Variants in RO60 observed in about 807,000 individuals in gnomAD.
RO60 encodes the protein RNA-binding protein RO60.
RO60 carries 20 observed loss-of-function variants against 55.3 expected under a neutral mutation model. The ratio of observed to expected loss-of-function variants is 0.36; its 90% CI spans 0.25 to 0.53. RO60 has a LOEUF of 0.53. Ranked by LOEUF, RO60 falls within the 20% of genes least tolerant of loss-of-function variation. The pLI is 0.92. For missense variants in RO60, 558 were observed against 646.6 expected (o/e 0.86, Z 1.49); for synonymous variants, 213 against 213.6 (o/e 1.00, Z 0.02).
Position 193,085,864 on chromosome 1 carries a change from A to C in RO60, c.*1133A>C. The C allele has an allele frequency of 1.0e-6, 1 of 985,314 alleles. No homozygotes were observed. The highest frequency in any genetic ancestry group is 1.2e-6 in the Non-Finnish European group (1 of 829,860). 61.0% of individuals were successfully genotyped at this position (985,314 alleles called of 1,614,324 possible). Reference sequence around the variant, plus strand: ...GCATATTACCAGCTAGCCAGTCACTAGGAATTTTTTTCAGTATTATTTGTA... The same window carrying C: ...GCATATTACCAGCTAGCCAGTCACTCGGAATTTTTTTCAGTATTATTTGTA... On this transcript the variant is annotated 3_prime_UTR_variant, in exon 9 of 9. Transcript: ENST00000400968.
intron 8 of RO60, among the ~76,000 whole-genome samples, 183 bp from the exon 9 acceptor site, chr1:193,084,396 C>T (rs907887948): frequency 2.0e-5 from 3 of 152,186 alleles, no homozygotes; most frequent in Admixed American, 2.0e-4. Flanking sequence ...GATTCTTATA[C>T]AATTTTATTG....
In RO60 at chr1:193,084,909, A is replaced by C. The variant is rs1674554032; in HGVS notation, c.*178A>C. On this transcript the variant is annotated 3_prime_UTR_variant, in exon 9 of 9. Coordinates refer to ENST00000400968, the MANE Select transcript of RO60 (RefSeq NM_001173524.2). The stretch of plus-strand genomic sequence containing the variant: ...AAAAATAAGATGGGCCCAAAGGTCT[A>C]TCTACTAAACTAGCTCTTGGGGAAA... The C allele has an allele frequency of 6.7e-7, 1 of 1,495,586 alleles. No homozygotes were observed. Among genetic ancestry groups the C allele is most frequent in the Admixed American group, 2.6e-5 (1 of 38,120 alleles). The allele number at this position is 1,495,586 out of a possible 1,614,324, so 92.6% of individuals were successfully genotyped here.
chr1:193,071,655 C>G (rs1431886674), intron 2 of RO60, among the ~76,000 whole-genome samples: 2 of 151,492 alleles, frequency 1.3e-5, no homozygotes, highest in African/African-American at 2.4e-5. Flanking sequence ...ATTTTTTAAT[C>G]TCTTTCAGTA....
At chr1:193,068,628 C>G (rs1214563186) in intron 1 of RO60, among the ~76,000 whole-genome samples, 1 of 152,196 alleles carries the variant, frequency 6.6e-6, no homozygotes, top group African/African-American at 2.4e-5. Flanking sequence ...ACTGATCTAC[C>G]TGCTTAATCT....
rs73054120 is a variant in RO60 at position 193,085,729 on chromosome 1, A to G, written c.*998A>G. 9,933 of 984,066 alleles carry G rather than the reference A, an allele frequency of 0.01. 710 individuals are homozygous for G. In the African/African-American group the frequency reaches 0.15, roughly 15 times the overall value. 61.0% of individuals were successfully genotyped at this position (984,066 alleles called of 1,614,324 possible). Reference sequence around the variant, plus strand: ...AATATTTTTAAAAGTATACATGTCAATGGCCTCTTTGTCCATTATTCATTT... The same window carrying G: ...AATATTTTTAAAAGTATACATGTCAGTGGCCTCTTTGTCCATTATTCATTT... On this transcript the variant is annotated 3_prime_UTR_variant, in exon 9 of 9. Coordinates refer to ENST00000400968, the MANE Select transcript of RO60 (RefSeq NM_001173524.2).
In RO60 at chr1:193,084,910, T is replaced by C. The variant is rs914436246; in HGVS notation, c.*179T>C. The C allele has an allele frequency of 6.7e-7, 1 of 1,495,852 alleles. No individual in the cohort carries two copies. Among genetic ancestry groups the C allele is most frequent in the Non-Finnish European group, 8.9e-7 (1 of 1,128,996 alleles). 92.7% of individuals were successfully genotyped at this position (1,495,852 alleles called of 1,614,324 possible). ...AAAATAAGATGGGCCCAAAGGTCTA[T>C]CTACTAAACTAGCTCTTGGGGAAAT... is the stretch of plus-strand genomic sequence containing the variant. On this transcript the variant is annotated 3_prime_UTR_variant, in exon 9 of 9. Coordinates refer to ENST00000400968, the MANE Select transcript of RO60 (RefSeq NM_001173524.2).
At chr1:193,081,889 T>A (rs903788419) in intron 6 of RO60, among the ~76,000 whole-genome samples, 6 of 152,176 alleles carry the variant, frequency 3.9e-5, no homozygotes, top group African/African-American at 1.4e-4. Flanking sequence ...TGTCAGTGAA[T>A]AACAAACAGA....
At position 193,085,799 on chromosome 1, in the gene RO60, CAATCTAGGTCCTTT is replaced by C. The variant is rs1267563591; in HGVS notation, c.*1070_*1083del. On this transcript the variant is annotated 3_prime_UTR_variant, in exon 9 of 9. Coordinates refer to ENST00000400968, the MANE Select transcript of RO60 (RefSeq NM_001173524.2). Reference sequence around the variant, plus strand: ...TTGATAGTGTAAACAAATAATAAAGCAATCTAGGTCCTTTAGGTTTGAAAGGCAATTTTTGAGTA... The same window carrying C: ...TTGATAGTGTAAACAAATAATAAAGCAGGTTTGAAAGGCAATTTTTGAGTA... 2 of 984,774 alleles carry C rather than the reference CAATCTAGGTCCTTT, an allele frequency of 2.0e-6. No individual in the cohort carries two copies. Among genetic ancestry groups the C allele is most frequent in the African/African-American group, 3.5e-5 (2 of 57,190 alleles). 61.0% of individuals were successfully genotyped at this position (984,774 alleles called of 1,614,324 possible).
chr1:193,078,735 T>G (rs1674095751), intron 5 of RO60, among the ~76,000 whole-genome samples: 1 of 151,912 alleles, frequency 6.6e-6, no homozygotes, highest in African/African-American at 2.4e-5. Context: ...CATGAATAAA[T>G]AGAAACACAT....
intron 6 of RO60, 21 bp from the exon 7 acceptor site, chr1:193,082,165 T>G (rs767291524): frequency 1.3e-6 from 2 of 1,506,672 alleles, no homozygotes; most frequent in Non-Finnish European, 1.8e-6. Context: ...TGCTGAAAAT[T>G]ACTGCCATTG....
chr1:193,085,152 T>C lies in RO60; in HGVS notation c.*421T>C. 7.4e-7 allele frequency: 1 copy of C among 1,350,666 alleles called. No individual in the cohort carries two copies. Among genetic ancestry groups the C allele is most frequent in the Non-Finnish European group, 9.5e-7 (1 of 1,049,488 alleles). The allele number at this position is 1,350,666 out of a possible 1,614,324, so 83.7% of individuals were successfully genotyped here. The stretch of plus-strand genomic sequence containing the variant: ...TTGATAATGTCCAAATACTCTGAAA[T>C]GCACTAGACCATATAACTGTGATGA... On this transcript the variant is annotated 3_prime_UTR_variant, in exon 9 of 9. Coordinates refer to ENST00000400968, the MANE Select transcript of RO60 (RefSeq NM_001173524.2).
chr1:193,064,704 A>G (rs991267789), intron 1 of RO60, among the ~76,000 whole-genome samples: 1 of 152,228 alleles, frequency 6.6e-6, no homozygotes, highest in Middle Eastern at 3.2e-3. Context: ...AAACCTGAGC[A>G]GTTTCTGCTG....
At chr1:193,067,111 T>G (rs1673160262) in intron 1 of RO60, among the ~76,000 whole-genome samples, 1 of 152,064 alleles carries the variant, frequency 6.6e-6, no homozygotes. Context: ...AACTACAGTT[T>G]GCATTGTGAT....
In RO60 at chr1:193,085,412, G is replaced by A; in HGVS notation, c.*681G>A. 2.0e-6 allele frequency: 2 copies of A among 984,576 alleles called. No individual in the cohort carries two copies. The highest frequency in any genetic ancestry group is 2.4e-6 in the Non-Finnish European group (2 of 830,446). 61.0% of individuals were successfully genotyped at this position (984,576 alleles called of 1,614,324 possible). A position where few individuals can be genotyped will look rare whatever the true frequency, so the allele number is the denominator to read the frequency against. On this transcript the variant is annotated 3_prime_UTR_variant, in exon 9 of 9. Coordinates refer to ENST00000400968, the MANE Select transcript of RO60 (RefSeq NM_001173524.2). Reference sequence around the variant, plus strand: ...ATGGCAACCCCTAAGAATAGACTAAGTTTGTGTTGGCTGAGGGATTCTATT... The same window carrying A: ...ATGGCAACCCCTAAGAATAGACTAAATTTGTGTTGGCTGAGGGATTCTATT...
chr1:193,073,671 T>G (rs1023151780), intron 2 of RO60, among the ~76,000 whole-genome samples: 3 of 152,170 alleles, frequency 2.0e-5, no homozygotes, highest in Non-Finnish European at 4.4e-5. Context: ...CCTCCTCAGT[T>G]CAAGTGATTC....
At chr1:193,060,738 T>A (rs895810350) in intron 1 of RO60, among the ~76,000 whole-genome samples, 9 of 152,020 alleles carry the variant, frequency 5.9e-5, no homozygotes, top group Non-Finnish European at 1.3e-4. Flanking sequence ...TTAAAAAAAA[T>A]TTTTTTTGTA....
chr1:193,089,430 A>T lies in RO60; in HGVS notation c.*4699A>T, dbSNP rs762053227. 6.6e-6 allele frequency: 1 copy of T among 152,058 alleles called. No homozygotes were observed. Among genetic ancestry groups the T allele is most frequent in the Non-Finnish European group, 1.5e-5 (1 of 68,008 alleles). 9.4% of individuals were successfully genotyped at this position (152,058 alleles called of 1,614,324 possible). ...CATTTGGCTTTTTTTTAATTGGTGC[A>T]TTTTTTAATTTGCTTTTTTGAAAAT... On this transcript the variant is annotated 3_prime_UTR_variant, in exon 9 of 9. Coordinates refer to ENST00000400968, the MANE Select transcript of RO60 (RefSeq NM_001173524.2).
At chr1:193,061,463 A>T (rs1672720351) in intron 1 of RO60, among the ~76,000 whole-genome samples, 1 of 152,246 alleles carries the variant, frequency 6.6e-6, no homozygotes, top group South Asian at 2.1e-4. Context: ...AATTATAAAG[A>T]GACTTTGGAA....
intron 2 of RO60, among the ~76,000 whole-genome samples, chr1:193,071,825 C>T (rs1437480817): frequency 7.1e-6 from 1 of 140,924 alleles, no homozygotes; most frequent in East Asian, 2.0e-4. Context: ...TACCTATATA[C>T]ATATATATAC....
Sources: gnomAD v4.1 joint callset for allele counts (sites outside exome capture counted in the v4.1 genomes callset) on GRCh38, gnomAD v4.1.1 for gene constraint, MANE v1.5 for transcripts, NCBI Gene and HGNC (gene_info 2026-07-23, HGNC 2026-07-21) for gene names.